Variants in CCDC30 observed in about 807,000 individuals in gnomAD.
CCDC30 encodes coiled-coil domain containing 30.
CCDC30 carries 70 observed loss-of-function variants against 100.2 expected under a neutral mutation model. The observed-to-expected ratio is 0.70, with a 90% CI of 0.58 to 0.85. The LOEUF is 0.85. CCDC30 is among the 40% of genes least tolerant of loss of function. The pLI is 0.00. For missense variants in CCDC30, 652 were observed against 771.2 expected (o/e 0.85, Z 1.83); for synonymous variants, 233 against 269.5 (o/e 0.86, Z 1.33).
chr1:42,577,156 G>A, exon 8 of CCDC30: 1 of 1,614,094 alleles, frequency 6.2e-7, no homozygotes, highest in Non-Finnish European at 8.5e-7. Flanking sequence ...CACACTCAGA[G>A]CATTAAATCA....
intron 7 of CCDC30, among the ~76,000 whole-genome samples, chr1:42,573,524 A>G (rs1192794636): frequency 1.3e-5 from 2 of 152,068 alleles, no homozygotes; most frequent in Non-Finnish European, 2.9e-5. Flanking sequence ...TATGCAAGTA[A>G]TCATATCATC....
intron 6 of CCDC30, among the ~76,000 whole-genome samples, chr1:42,560,780 A>G (rs1227911544): frequency 6.6e-6 from 1 of 152,228 alleles, no homozygotes; most frequent in Non-Finnish European, 1.5e-5. Flanking sequence ...GGATATCACC[A>G]TTGACTCTGC....
chr1:42,524,836 A>G (rs947687567), intron 6 of CCDC30, among the ~76,000 whole-genome samples: 3 of 152,348 alleles, frequency 2.0e-5, no homozygotes, highest in South Asian at 4.1e-4. Context: ...TTCGTATCAG[A>G]CAGATGCCAC....
At chr1:42,484,215 ATGT>A (rs1338304688) in intron 3 of CCDC30, among the ~76,000 whole-genome samples, 1 of 152,190 alleles carries the variant, frequency 6.6e-6, no homozygotes, top group African/African-American at 2.4e-5. Flanking sequence ...AATGATGGAA[ATGT>A]TGCATATCCC....
At chr1:42,546,801 C>T (rs547100596) in intron 6 of CCDC30, among the ~76,000 whole-genome samples, 1 of 151,968 alleles carries the variant, frequency 6.6e-6, no homozygotes, top group Non-Finnish European at 1.5e-5. Flanking sequence ...TTCACAGAAA[C>T]GTGAGGCTTT....
chr1:42,570,139 A>T (rs145711506), intron 7 of CCDC30, among the ~76,000 whole-genome samples: 1 of 152,138 alleles, frequency 6.6e-6, no homozygotes, highest in East Asian at 1.9e-4. Flanking sequence ...AAACTAAAAT[A>T]AATTAATTAT....
At chr1:42,556,207 G>GGAGGGC in intron 6 of CCDC30, 1 of 1,614,132 alleles carries the variant, frequency 6.2e-7, no homozygotes, top group Non-Finnish European at 8.5e-7. Context: ...AGTCAGTAAA[G>GGAGGGC]GAGGGCAGTT....
intron 6 of CCDC30, among the ~76,000 whole-genome samples, chr1:42,519,060 TCTGTTA>T (rs1326599317): frequency 6.6e-6 from 1 of 152,230 alleles, no homozygotes; most frequent in East Asian, 1.9e-4. Context: ...TTCTGTTCAT[TCTGTTA>T]ACCTGATGTA....
chr1:42,572,997 G>C (rs1429413748), intron 7 of CCDC30, among the ~76,000 whole-genome samples: 1 of 152,136 alleles, frequency 6.6e-6, no homozygotes, highest in Non-Finnish European at 1.5e-5. Flanking sequence ...ATGCTATCAT[G>C]ATTATTTTAG....
At chr1:42,480,693 C>A in intron 2 of CCDC30, 127 bp downstream of exon 2, 2 of 834,856 alleles carry the variant, frequency 2.4e-6, no homozygotes, top group African/African-American at 1.8e-5. Flanking sequence ...ACAAAGAGAA[C>A]ATCAAGAACC....
At chr1:42,510,014 C>T in intron 6 of CCDC30, 3 of 955,204 alleles carry the variant, frequency 3.1e-6, no homozygotes, top group Non-Finnish European at 3.7e-6. Context: ...CATTATAAAC[C>T]ATGAAAAAAG....
At chr1:42,456,303 C>T in the CCDC30 span, 3 of 595,564 alleles carry the variant, frequency 5.0e-6, no homozygotes, top group African/African-American at 5.6e-5. Context: ...GTTCTTCACC[C>T]AGGCTAGGAA....
At chr1:42,470,701 A>G (rs1643742013) in intron 1 of CCDC30, among the ~76,000 whole-genome samples, 1 of 152,252 alleles carries the variant, frequency 6.6e-6, no homozygotes, top group Non-Finnish European at 1.5e-5. Context: ...ATAAGCCAAT[A>G]CAAAAGGACA....
chr1:42,507,219 GC>G (rs553169100), intron 6 of CCDC30, among the ~76,000 whole-genome samples: 147 of 152,254 alleles, frequency 9.7e-4, no homozygotes, highest in Non-Finnish European at 1.7e-3. Flanking sequence ...GAGCCACCGT[GC>G]CCAGCCTCAA....
intron 11 of CCDC30, among the ~76,000 whole-genome samples, chr1:42,621,053 G>A (rs1646820067): frequency 6.6e-6 from 1 of 152,134 alleles, no homozygotes. Context: ...TTTGATCCAG[G>A]CTTAGGGATT....
upstream of CCDC30, chr1:42,460,493 G>A: frequency 3.6e-6 from 2 of 558,300 alleles, no homozygotes; most frequent in Non-Finnish European, 4.6e-6. Context: ...TTGTAGAATG[G>A]TGAGCTTTTC....
rs563566787 is a variant in CCDC30, at chr1:42,627,829, G to A, written c.1278-9408G>A. ...CAGAAAATGTATGAAATGCCTGGAT[G>A]CCCAGGCAAAAGTTTGCTGTAGGGA... On this transcript the variant is annotated intron_variant, in intron 11 of 16. Transcript: ENST00000668663. Among the ~76,000 whole-genome samples, 13 of 152,344 alleles carry A rather than the reference G, an allele frequency of 8.5e-5. No individual in the cohort carries two copies. The East Asian group carries it at 2.3e-3, about 27-fold the overall frequency.
intron 1 of CCDC30, among the ~76,000 whole-genome samples, chr1:42,477,004 T>C (rs1643890777): frequency 6.6e-6 from 1 of 151,768 alleles, no homozygotes; most frequent in African/African-American, 2.4e-5. Flanking sequence ...AGACTGAATT[T>C]TCTTCTCATG....
chr1:42,563,584 A>T (rs550080526), intron 6 of CCDC30, among the ~76,000 whole-genome samples: 74 of 152,156 alleles, frequency 4.9e-4, no homozygotes, highest in African/African-American at 1.7e-3. Context: ...TTTAGAAGAA[A>T]TTTTTTTAAA....
Sources: gnomAD v4.1 joint callset for allele counts (sites outside exome capture counted in the v4.1 genomes callset) on GRCh38, gnomAD v4.1.1 for gene constraint, MANE v1.5 for transcripts, NCBI Gene and HGNC (gene_info 2026-07-23, HGNC 2026-07-21) for gene names.